The following CCDC85C variants were observed in gnomAD, a reference collection of about 807,000 sequenced individuals.
CCDC85C encodes coiled-coil domain containing 85C.
CCDC85C carries 18 observed loss-of-function variants against 38.3 expected under a neutral mutation model. The observed-to-expected ratio is 0.47, with a 90% CI of 0.33 to 0.70. The LOEUF is 0.70. CCDC85C is among the 30% of genes least tolerant of loss of function. The pLI is 0.03. For missense variants in CCDC85C, 566 were observed against 621.2 expected (o/e 0.91, Z 0.94); for synonymous variants, 264 against 293.8 (o/e 0.90, Z 1.04).
Position 99,502,413 on chromosome 14 carries a change from C to T in CCDC85C, c.*12833G>A. On this transcript the variant is annotated 3_prime_UTR_variant, in exon 6 of 6. Transcript: ENST00000380243. Reference sequence around the variant, plus strand: ...GCTAAGCGTTCTCGTGAGGGTGTTCCATGTTGAGATGATTCTTCCATGTGT... The same window carrying T: ...GCTAAGCGTTCTCGTGAGGGTGTTCTATGTTGAGATGATTCTTCCATGTGT... 1 of 1,599,614 alleles carries T rather than the reference C, an allele frequency of 6.3e-7. No homozygotes were observed. The highest frequency in any genetic ancestry group is 8.5e-7 in the Non-Finnish European group (1 of 1,172,260).
chr14:99,559,804 G>A (rs1362562531), intron 1 of CCDC85C, among the ~76,000 whole-genome samples: 1 of 152,074 alleles, frequency 6.6e-6, no homozygotes, highest in African/African-American at 2.4e-5. Context: ...AGCGTGGACT[G>A]AAAAAGCCAG....
Position 99,502,697 on chromosome 14 carries a change from G to A in CCDC85C, c.*12549C>T. On this transcript the variant is annotated 3_prime_UTR_variant, in exon 6 of 6. Coordinates refer to ENST00000380243, the MANE Select transcript of CCDC85C (RefSeq NM_001144995.2). ...TTTAAAATACCAATTTGTGTAAAAT[G>A]TAATTGTTGGCTATCATTTAGACAT... The A allele has an allele frequency of 6.2e-7, 1 of 1,605,968 alleles. No homozygotes were observed. The highest frequency in any genetic ancestry group is 1.1e-5 in the South Asian group (1 of 90,868).
At chr14:99,539,415 A>C (rs985997528) in intron 1 of CCDC85C, among the ~76,000 whole-genome samples, 3 of 148,808 alleles carry the variant, frequency 2.0e-5, no homozygotes, top group African/African-American at 7.5e-5. Context: ...GGTTGCAGTG[A>C]GCCGAGATCA....
rs1349625561 is a variant in CCDC85C at position 99,505,207 on chromosome 14, G to A, written c.*10039C>T. 1 of 152,224 alleles carries A rather than the reference G, an allele frequency of 6.6e-6. No homozygotes were observed. Among genetic ancestry groups the A allele is most frequent in the Non-Finnish European group, 1.5e-5 (1 of 68,048 alleles). 9.4% of individuals were successfully genotyped at this position (152,224 alleles called of 1,614,324 possible). A position where few individuals can be genotyped will look rare whatever the true frequency, so the allele number is the denominator to read the frequency against. On this transcript the variant is annotated 3_prime_UTR_variant, in exon 6 of 6. Coordinates refer to ENST00000380243, the MANE Select transcript of CCDC85C (RefSeq NM_001144995.2). ...AGCAGTAAATAGGGCAAGTGGTTAG[G>A]AATGGGGAGAATCTTGCTGGCACTC...
intron 3 of CCDC85C, among the ~76,000 whole-genome samples, chr14:99,518,609 C>T (rs1897260441): frequency 6.6e-6 from 1 of 152,176 alleles, no homozygotes; most frequent in Non-Finnish European, 1.5e-5. Flanking sequence ...GGGCGCCAGT[C>T]GCACACATAC....
Position 99,568,284 on chromosome 14 carries a change from A to G in CCDC85C, c.794-32196T>C, listed in dbSNP as rs111546551. 2.2e-4 allele frequency among the ~76,000 whole-genome samples: 25 copies of G among 111,584 alleles called. 1 individual carries two copies. Among genetic ancestry groups the G allele is most frequent in the African/African-American group, 9.0e-4 (24 of 26,638 alleles). 73.2% of individuals were successfully genotyped at this position (111,584 alleles called of 152,430 possible). On this transcript the variant is annotated intron_variant, in intron 1 of 5. Transcript: ENST00000380243. ...TTTTTTTTTTTTGAGACAAAGTCTC[A>G]CTCTGTCACCCAGGCTGGAGTGCAA... is the stretch of plus-strand genomic sequence containing the variant.
At position 99,588,230 on chromosome 14, in the gene CCDC85C, T is replaced by A. The variant is rs958228938; in HGVS notation, c.793+14937A>T. ...TTTCCCACTACAAAGGAATGCCGAG[T>A]CCAACCTGCTTGGGATGCAGCTGGC... is the stretch of plus-strand genomic sequence containing the variant. On this transcript the variant is annotated intron_variant, in intron 1 of 5. Transcript: ENST00000380243. This position sits in a 1 kb window ranked among gnomAD's most constrained non-coding sequence, Gnocchi z 5.0. 6.6e-6 allele frequency among the ~76,000 whole-genome samples: 1 copy of A among 152,098 alleles called. No individual in the cohort carries two copies. Among genetic ancestry groups the A allele is most frequent in the Admixed American group, 6.5e-5 (1 of 15,292 alleles).
At position 99,515,404 on chromosome 14, in the gene CCDC85C, C is replaced by T. The variant is rs533309365; in HGVS notation, c.1171-69G>A. 69 of 1,148,428 alleles carry T rather than the reference C, an allele frequency of 6.0e-5. No individual in the cohort carries two copies. In the Admixed American group the frequency reaches 7.8e-4, roughly 13 times the overall value. The allele number at this position is 1,148,428 out of a possible 1,614,324, so 71.1% of individuals were successfully genotyped here. ...CCACCTGCCGCCTATGCACATCCGCCGCCTCATCACGGCAGAATCACCCAC... is the reference window on the plus strand; with the variant it reads ...CCACCTGCCGCCTATGCACATCCGCTGCCTCATCACGGCAGAATCACCCAC... On this transcript the variant is annotated intron_variant, in intron 5 of 5. Transcript: ENST00000380243.
At position 99,603,798 on chromosome 14, in the gene CCDC85C, G is replaced by A; in HGVS notation, c.162C>T (p.Arg54=). 2.0e-6 allele frequency: 3 copies of A among 1,525,492 alleles called. No individual in the cohort carries two copies. The highest frequency in any genetic ancestry group is 2.4e-5 in the South Asian group (2 of 82,342). 94.5% of individuals were successfully genotyped at this position (1,525,492 alleles called of 1,614,324 possible). A position where few individuals can be genotyped will look rare whatever the true frequency, so the allele number is the denominator to read the frequency against. The stretch of plus-strand genomic sequence containing the variant: ...GCTGCTGCAGCCGCCGGTTCACGTC[G>A]CGCATCAGGCCGCCGTGCTCCAGCA... ...GLMLEHGGLM[R]DVNRRLQQHL... Residue 54 remains arginine (R), a synonymous_variant, in exon 1 of 6, where the codon CGC becomes CGT. Coordinates refer to ENST00000380243, the MANE Select transcript of CCDC85C (RefSeq NM_001144995.2). This position sits in a 1 kb window ranked among gnomAD's most constrained non-coding sequence, Gnocchi z 7.5.
chr14:99,502,627 C>T lies in CCDC85C; in HGVS notation c.*12619G>A, dbSNP rs1595316771. 6.2e-6 allele frequency: 8 copies of T among 1,292,750 alleles called. No homozygotes were observed. The highest frequency in any genetic ancestry group is 4.9e-5 in the East Asian group (2 of 40,448). 80.1% of individuals were successfully genotyped at this position (1,292,750 alleles called of 1,614,324 possible). ...TGTAAATGTGATTCATGCTTAGGTC[C>T]TCGTAGGGGTATCATAACTGATTCT... On this transcript the variant is annotated 3_prime_UTR_variant, in exon 6 of 6. Transcript: ENST00000380243.
intron 1 of CCDC85C, chr14:99,580,101 C>T (rs993617611): frequency 5.5e-5 from 25 of 455,628 alleles, no homozygotes; most frequent in Non-Finnish European, 1.0e-4. Context: ...TCCAGGAATT[C>T]GGTCAGCAAA....
At position 99,572,661 on chromosome 14, in the gene CCDC85C, G is replaced by GC. The variant is rs1209962470; in HGVS notation, c.793+30505dup. On this transcript the variant is annotated intron_variant, in intron 1 of 5. Transcript: ENST00000380243. This position sits in a 1 kb window ranked among gnomAD's most constrained non-coding sequence, Gnocchi z 4.4. ...TATCATCCAAGCCCCAGGTGACCTG[G>GC]CCCCTCCTTAAGAGGCCTCCCCTGC... The GC allele has an allele frequency of 6.6e-6, 3 of 455,698 alleles. No individual in the cohort carries two copies. Among genetic ancestry groups the GC allele is most frequent in the Non-Finnish European group, 1.3e-5 (3 of 226,708 alleles). The allele number at this position is 455,698 out of a possible 1,614,324, so 28.2% of individuals were successfully genotyped here. A position where few individuals can be genotyped will look rare whatever the true frequency, so the allele number is the denominator to read the frequency against.
At chr14:99,600,399 CGG>C (rs1386682571) in intron 1 of CCDC85C, among the ~76,000 whole-genome samples, 1 of 152,148 alleles carries the variant, frequency 6.6e-6, no homozygotes, top group Admixed American at 6.5e-5. Context: ...CTCTGGGTAA[CGG>C]GGTTATCAGC....
Position 99,542,288 on chromosome 14 carries a change from A to G in CCDC85C, c.794-6200T>C, listed in dbSNP as rs1466000642. 2.6e-5 allele frequency among the ~76,000 whole-genome samples: 4 copies of G among 152,350 alleles called. No homozygotes were observed. In the East Asian group the frequency reaches 7.7e-4, roughly 29 times the overall value. ...CAGAAACAAGGTGCAAAGGTGCACC[A>G]AGTAACAGGCAGGGCAGGGCCAGGG... On this transcript the variant is annotated intron_variant, in intron 1 of 5. Coordinates refer to ENST00000380243, the MANE Select transcript of CCDC85C (RefSeq NM_001144995.2).
intron 1 of CCDC85C, among the ~76,000 whole-genome samples, chr14:99,551,656 T>C (rs1197418429): frequency 1.8e-5 from 2 of 112,642 alleles, no homozygotes; most frequent in Non-Finnish European, 3.6e-5. Context: ...AGTGTGCAGG[T>C]GGGTGAGAGG....
rs1212368158 is a variant in CCDC85C at position 99,511,414 on chromosome 14, A to ATAT, written c.*3829_*3831dup. The ATAT allele has an allele frequency of 6.6e-6, 1 of 152,424 alleles. No individual in the cohort carries two copies. The highest frequency in any genetic ancestry group is 1.5e-5 in the Non-Finnish European group (1 of 68,032). 9.4% of individuals were successfully genotyped at this position (152,424 alleles called of 1,614,324 possible). On this transcript the variant is annotated 3_prime_UTR_variant, in exon 6 of 6. Coordinates refer to ENST00000380243, the MANE Select transcript of CCDC85C (RefSeq NM_001144995.2). ...TTTGCAAATTCCTGTACATAGAGAT[A>ATAT]TATTTTTTAAGTGTGAATGTAACAA...
In CCDC85C at chr14:99,603,459, G is replaced by A. The variant is rs891996274; in HGVS notation, c.501C>T (p.Gly167=). ...ALAATGAASG[G]GGGGGGAGSR... ...AGCCGGCGCCGCCCCCGCCGCCGCC[G>A]CCACCGCTTGCGGCCCCCGTCGCCG... Residue 167 remains glycine, a synonymous_variant, in exon 1 of 6, where the codon GGC becomes GGT. Coordinates refer to ENST00000380243, the MANE Select transcript of CCDC85C (RefSeq NM_001144995.2). This position sits in a 1 kb window ranked among gnomAD's most constrained non-coding sequence, Gnocchi z 7.5. 1.1e-4 allele frequency: 147 copies of A among 1,280,570 alleles called. 1 individual carries two copies. In the African/African-American group the frequency reaches 2.1e-3, roughly 18 times the overall value. The allele number at this position is 1,280,570 out of a possible 1,614,324, so 79.3% of individuals were successfully genotyped here. A position where few individuals can be genotyped will look rare whatever the true frequency, so the allele number is the denominator to read the frequency against.
At chr14:99,554,981 C>CCCGT (rs1418011586) in intron 1 of CCDC85C, among the ~76,000 whole-genome samples, 2 of 152,226 alleles carry the variant, frequency 1.3e-5, no homozygotes, top group Non-Finnish European at 2.9e-5. Context: ...CTGGTGCCTG[C>CCCGT]CCACAAGACT....
rs545912718 is a variant in CCDC85C, at chr14:99,573,585, C to T, written c.793+29582G>A. Among the ~76,000 whole-genome samples, 7 of 152,324 alleles carry T rather than the reference C, an allele frequency of 4.6e-5. No homozygotes were observed. The South Asian group carries it at 8.3e-4, about 18-fold the overall frequency. ...CAGGCAGTCACCAGTGAGGCAGACCCGGCCTGGACGTTCTGGCTCAAAGGA... is the reference window on the plus strand; with the variant it reads ...CAGGCAGTCACCAGTGAGGCAGACCTGGCCTGGACGTTCTGGCTCAAAGGA... On this transcript the variant is annotated intron_variant, in intron 1 of 5. Transcript: ENST00000380243.
Sources: gnomAD v4.1 joint callset for allele counts (sites outside exome capture counted in the v4.1 genomes callset) on GRCh38, gnomAD v4.1.1 for gene constraint, Gnocchi (gnomAD v3.1) non-coding constraint, MANE v1.5 for transcripts, NCBI Gene and HGNC (gene_info 2026-07-23, HGNC 2026-07-21) for gene names.